MPPED2: variants seen among roughly 807,000 people sequenced by gnomAD.
MPPED2 encodes metallophosphoesterase domain containing 2.
In MPPED2, 5 loss-of-function variants were observed where a neutral mutation model predicts 33.0. That is an observed-to-expected ratio of 0.15 (90% CI 0.08 to 0.32). The LOEUF is 0.32. MPPED2 is among the 10% of genes least tolerant of loss of function. The pLI is 1.00. For synonymous variants in MPPED2, 136 were observed against 141.9 expected, an observed-to-expected ratio of 0.96 and a Z score of 0.29; for missense variants, 275 against 372.1, an observed-to-expected ratio of 0.74 and a Z score of 2.15.
chr11:30,547,790 C>T (rs558912613), intron 2 of MPPED2, among the ~76,000 whole-genome samples: 1 of 152,274 alleles, frequency 6.6e-6, no homozygotes, highest in Non-Finnish European at 1.5e-5. Context: ...CATTCATTAA[C>T]AACCTAAGTA....
Position 30,518,348 on chromosome 11 carries a change from A to AT in MPPED2, c.310+17645dup, listed in dbSNP as rs550222935. On this transcript the variant is annotated intron_variant, in intron 3 of 6. Coordinates refer to ENST00000358117, the MANE Select transcript of MPPED2 (RefSeq NM_001584.3). ...TCTCCAAACCAGTTTATCCAGCTGT[A>AT]TTTTTTAATGTAATCATCTCATGTA... 3.1e-3 allele frequency among the ~76,000 whole-genome samples: 473 copies of AT among 152,308 alleles called. 1 individual carries two copies. Among genetic ancestry groups the AT allele is most frequent in the Non-Finnish European group, 5.0e-3 (338 of 68,028 alleles).
At chr11:30,576,180 A>C (rs1023638029) in intron 2 of MPPED2, among the ~76,000 whole-genome samples, 3 of 152,204 alleles carry the variant, frequency 2.0e-5, no homozygotes, top group Non-Finnish European at 4.4e-5. Flanking sequence ...CGGATCTTAC[A>C]GATAGAAAAA....
chr11:30,499,664 T>TAC (rs970042859), intron 3 of MPPED2, among the ~76,000 whole-genome samples: 1 of 152,028 alleles, frequency 6.6e-6, no homozygotes, highest in East Asian at 1.9e-4. Context: ...CCTTGACACA[T>TAC]ACACACACAC....
intron 3 of MPPED2, among the ~76,000 whole-genome samples, chr11:30,528,638 T>A (rs1329342943): frequency 6.6e-6 from 1 of 152,320 alleles, no homozygotes; most frequent in Non-Finnish European, 1.5e-5. Context: ...TATTTATTTA[T>A]AATTGAGACA....
At chr11:30,471,808 C>T (rs1347765994) in intron 4 of MPPED2, among the ~76,000 whole-genome samples, 1 of 152,166 alleles carries the variant, frequency 6.6e-6, no homozygotes, top group African/African-American at 2.4e-5. Context: ...GAATAAGTTT[C>T]TACCATTGAT....
chr11:30,386,781 T>C (rs933100132), exon 7 of MPPED2: 12 of 398,586 alleles, frequency 3.0e-5, no homozygotes, highest in Non-Finnish European at 4.4e-5. Flanking sequence ...GCATAGTCCA[T>C]GATTCTTGCC....
intron 6 of MPPED2, among the ~76,000 whole-genome samples, chr11:30,393,508 A>C (rs1947804723): frequency 6.6e-6 from 1 of 152,076 alleles, no homozygotes; most frequent in African/African-American, 2.4e-5. Context: ...AACCTCCTGC[A>C]ATTTCCTATC....
At chr11:30,503,132 T>A (rs1319370149) in intron 3 of MPPED2, among the ~76,000 whole-genome samples, 1 of 152,170 alleles carries the variant, frequency 6.6e-6, no homozygotes, top group Non-Finnish European at 1.5e-5. Flanking sequence ...ATCCTCATGC[T>A]GGTCTCATGA....
intron 2 of MPPED2, among the ~76,000 whole-genome samples, chr11:30,571,013 T>G (rs1956663782): frequency 6.6e-6 from 1 of 152,232 alleles, no homozygotes; most frequent in Admixed American, 6.5e-5. Flanking sequence ...TGTAGAGTCC[T>G]GCAGTTTTTT....
At chr11:30,412,859 A>G (rs1948171762) in intron 6 of MPPED2, among the ~76,000 whole-genome samples, 1 of 152,236 alleles carries the variant, frequency 6.6e-6, no homozygotes, top group African/African-American at 2.4e-5. Flanking sequence ...TTTCAAAGAT[A>G]AAATGCAAAC....
downstream of MPPED2, among the ~76,000 whole-genome samples, chr11:30,405,955 T>C (rs1947982618): frequency 6.6e-6 from 1 of 152,120 alleles, no homozygotes; most frequent in Non-Finnish European, 1.5e-5. Context: ...GCATGTCTGA[T>C]TCCAAAGTTG....
At chr11:30,484,620 C>T (rs1001120359) in intron 4 of MPPED2, among the ~76,000 whole-genome samples, 4 of 152,172 alleles carry the variant, frequency 2.6e-5, no homozygotes, top group East Asian at 1.9e-4. Context: ...GGTGGAAACA[C>T]ACTGCCAACA....
chr11:30,492,470 A>G (rs1590545491), intron 4 of MPPED2, among the ~76,000 whole-genome samples: 2 of 152,016 alleles, frequency 1.3e-5, no homozygotes, highest in East Asian at 1.9e-4. Flanking sequence ...TTTTTAAACA[A>G]TGATCTTAAC....
At chr11:30,525,172 G>A (rs1274063067) in intron 3 of MPPED2, among the ~76,000 whole-genome samples, 1 of 152,180 alleles carries the variant, frequency 6.6e-6, no homozygotes, top group African/African-American at 2.4e-5. Context: ...ATGACAATCA[G>A]AGACTGGATG....
At chr11:30,585,539 T>G (rs1337954473) in intron 1 of MPPED2, among the ~76,000 whole-genome samples, 3 of 151,872 alleles carry the variant, frequency 2.0e-5, no homozygotes, top group African/African-American at 7.3e-5. Context: ...CTCGAACACA[T>G]CACCCCGGGA....
intron 2 of MPPED2, among the ~76,000 whole-genome samples, chr11:30,545,491 C>T (rs1955365664): frequency 6.6e-6 from 1 of 152,140 alleles, no homozygotes. Flanking sequence ...TTACAGCCAT[C>T]TATACCACTG....
At chr11:30,566,756 A>G (rs2134768487) in intron 2 of MPPED2, among the ~76,000 whole-genome samples, 1 of 152,322 alleles carries the variant, frequency 6.6e-6, no homozygotes, top group East Asian at 1.9e-4. Context: ...AACGAAAAAG[A>G]TAAGGTCACT....
Position 30,495,426 on chromosome 11 carries a change from A to C in MPPED2, c.406T>G (p.Tyr136Asp). Residue 136 changes from tyrosine to aspartate, a missense_variant, in exon 4 of 7, where the codon TAC (tyrosine) becomes GAC (aspartate). Physicochemically the swap from Tyr to Asp is radical, Grantham distance 160. Transcript: ENST00000358117. ...FMADLVKQDYYRFPSVSKLKP... is the reference protein window; with the variant it reads ...FMADLVKQDYDRFPSVSKLKP... ...AATTTGGACACAGAGGGGAAACGGTAGTAGTCCTGTTTAACAAGGTCTGCC... is the reference window on the plus strand; with the variant it reads ...AATTTGGACACAGAGGGGAAACGGTCGTAGTCCTGTTTAACAAGGTCTGCC... 1 of 1,614,098 alleles carries C rather than the reference A, an allele frequency of 6.2e-7. No homozygotes were observed. Among genetic ancestry groups the C allele is most frequent in the Non-Finnish European group, 8.5e-7 (1 of 1,179,918 alleles).
At chr11:30,403,022 G>C (rs1023147940) in intron 6 of MPPED2, among the ~76,000 whole-genome samples, 2 of 152,278 alleles carry the variant, frequency 1.3e-5, no homozygotes, top group African/African-American at 4.8e-5. Flanking sequence ...GAGGCAGGCA[G>C]ATCACAAGGT....
Sources: gnomAD v4.1 joint callset for allele counts (sites outside exome capture counted in the v4.1 genomes callset) on GRCh38, gnomAD v4.1.1 for gene constraint, MANE v1.5 for transcripts, NCBI Gene and HGNC (gene_info 2026-07-23, HGNC 2026-07-21) for gene names.